The following VNN2 variants were observed in gnomAD, a reference collection of about 807,000 sequenced individuals.
The protein encoded by VNN2 is pantetheine hydrolase VNN2.
A neutral mutation model predicts 43.0 loss-of-function variants in VNN2; 43 were observed. That is an observed-to-expected ratio of 1.00 (90% CI 0.78 to 1.29). The LOEUF (loss-of-function observed/expected upper bound fraction) is 1.29. VNN2 is among the 50% of genes most tolerant of loss of function. The probability of loss-of-function intolerance (pLI) is 0.00; values close to 1 mark genes in which losing one functional copy is unlikely to be tolerated. For synonymous variants in VNN2, 230 were observed against 224.3 expected (o/e 1.03, Z -0.23); for missense variants, 652 against 619.7 (o/e 1.05, Z -0.55).
upstream of VNN2, among the ~76,000 whole-genome samples, chr6:132,759,438 C>CAAAAAAAAAAAAAAAAAAAAAAAAA (rs58195059): frequency 1.4e-5 from 1 of 69,174 alleles, no homozygotes; most frequent in African/African-American, 4.9e-5. Flanking sequence ...AACTCCGTCT[C>CAAAAAAAAAAAAAAAAAAAAAAAAA]AAAAAAAAAA....
chr6:132,749,139 C>A (rs1397015279), intron 6 of VNN2, among the ~76,000 whole-genome samples: 1 of 152,170 alleles, frequency 6.6e-6, no homozygotes, highest in Non-Finnish European at 1.5e-5. Flanking sequence ...ATTTTCCCCT[C>A]CTTGACCCAT....
intron 6 of VNN2, among the ~76,000 whole-genome samples, chr6:132,748,065 G>C (rs1460293340): frequency 6.6e-6 from 1 of 152,216 alleles, no homozygotes; most frequent in Non-Finnish European, 1.5e-5. Context: ...AAATTAGATT[G>C]TGTGCTCAGT....
At chr6:132,747,238 C>T (rs1779772875) in intron 6 of VNN2, among the ~76,000 whole-genome samples, 2 of 152,230 alleles carry the variant, frequency 1.3e-5, no homozygotes, top group South Asian at 2.1e-4. Context: ...CCATATTTAC[C>T]CTAATGTGAT....
At chr6:132,744,699 C>T (rs954966355) in intron 6 of VNN2, among the ~76,000 whole-genome samples, 3 of 152,106 alleles carry the variant, frequency 2.0e-5, no homozygotes, top group Non-Finnish European at 4.4e-5. Flanking sequence ...TTAGTTTCAA[C>T]AATCAAATGT....
In VNN2 at chr6:132,757,779, G is replaced by C. The variant is rs759904862; in HGVS notation, c.105C>G (p.Val35=). The C allele has an allele frequency of 1.2e-6, 2 of 1,613,948 alleles. No homozygotes were observed. The highest frequency in any genetic ancestry group is 1.7e-6 in the Non-Finnish European group (2 of 1,180,032). The change falls in exon 1 of 7, where the codon GTC becomes GTG. Residue 35 remains valine (V), a synonymous_variant. Coordinates refer to ENST00000326499, the MANE Select transcript of VNN2 (RefSeq NM_004665.6). ...SFIAAVYEHA[V]ILPNKTETPV... is the part of the protein sequence containing the mutation. ...GTGTTTCTGTTTTATTTGGCAAAAT[G>C]ACAGCATGTTCATACACTGCAGCTA...
chr6:132,763,207 TATC>T (rs1317470567), intron 1 of VNN2, among the ~76,000 whole-genome samples: 2 of 150,006 alleles, frequency 1.3e-5, no homozygotes, highest in Admixed American at 6.7e-5. Context: ...GGTAAGAAAA[TATC>T]ATGGAAATCG....
intron 1 of VNN2, 50 bp from the exon 2 acceptor site, chr6:132,757,596 C>T (rs770364129): frequency 6.2e-7 from 1 of 1,607,710 alleles, no homozygotes; most frequent in African/African-American, 1.3e-5. Context: ...ACAACACAGA[C>T]AATTCAGCTC....
intron 5 of VNN2, among the ~76,000 whole-genome samples, chr6:132,750,838 T>A (rs1780027078): frequency 6.6e-6 from 1 of 152,178 alleles, no homozygotes; most frequent in Non-Finnish European, 1.5e-5. Context: ...AAGGAAGTCT[T>A]CTTGATGTTC....
At chr6:132,750,890 T>C (rs1780030874) in intron 5 of VNN2, among the ~76,000 whole-genome samples, 1 of 152,170 alleles carries the variant, frequency 6.6e-6, no homozygotes, top group African/African-American at 2.4e-5. Context: ...AAACTCATCA[T>C]GGTTAGGTTA....
At chr6:132,744,562 A>AAACC in intron 6 of VNN2, 71 bp from the exon 7 acceptor site, 1 of 1,424,456 alleles carries the variant, frequency 7.0e-7, no homozygotes, top group East Asian at 2.4e-5. Flanking sequence ...AATCATTTTG[A>AAACC]AACCATCCTA....
intron 5 of VNN2, 100 bp from the exon 6 acceptor site, chr6:132,749,965 T>G (rs925145440): frequency 7.8e-6 from 9 of 1,150,792 alleles, no homozygotes; most frequent in Admixed American, 5.6e-5. Flanking sequence ...GCAAACATTA[T>G]CTTTCTCTGA....
upstream of VNN2, among the ~76,000 whole-genome samples, chr6:132,761,481 G>A (rs2114645046): frequency 6.6e-6 from 1 of 152,086 alleles, no homozygotes; most frequent in South Asian, 2.1e-4. Context: ...CCGACATAGT[G>A]AAAGCCAGTC....
Position 132,757,843 on chromosome 6 carries a change from G to T in VNN2, c.41C>A (p.Ala14Asp). Reference sequence around the variant, plus strand: ...AGTACCAACCTGCAGGGTTATTAGGGCAAAAACTGCCACAGAGATTGGAAA... The same window carrying T: ...AGTACCAACCTGCAGGGTTATTAGGTCAAAAACTGCCACAGAGATTGGAAA... ...SSFPISVAVF[A>D]LITLQVGTQD... The change falls in exon 1 of 7, where the codon GCC becomes GAC. Residue 14 changes from alanine (A) to aspartate (D), a missense_variant. Ala to Asp is a moderately radical substitution (Grantham distance 126, BLOSUM62 -2). Coordinates refer to ENST00000326499, the MANE Select transcript of VNN2 (RefSeq NM_004665.6). The T allele has an allele frequency of 8.7e-6, 14 of 1,613,868 alleles. No individual in the cohort carries two copies. Among genetic ancestry groups the T allele is most frequent in the Non-Finnish European group, 1.2e-5 (14 of 1,179,940 alleles).
Position 132,756,025 on chromosome 6 carries a change from T to C in VNN2, c.355A>G (p.Thr119Ala). Residue 119 changes from threonine (T) to alanine (A), a missense_variant, in exon 3 of 7, where the codon ACA (threonine) becomes GCA (alanine). Thr to Ala is a moderately conservative substitution (Grantham distance 58). Coordinates refer to ENST00000326499, the MANE Select transcript of VNN2 (RefSeq NM_004665.6). ...PCQDPHRFGH[T>A]PVQARLSCLA... ...CAGCTGAGTCTTGCTTGTACTGGTG[T>C]GTGACCAAATCTAAACCAAATTATA... 1 of 1,599,654 alleles carries C rather than the reference T, an allele frequency of 6.3e-7. No individual in the cohort carries two copies. Among genetic ancestry groups the C allele is most frequent in the Non-Finnish European group, 8.5e-7 (1 of 1,174,744 alleles).
At chr6:132,752,818 C>G (rs1003158422) in intron 3 of VNN2, 69 bp from the exon 4 acceptor site, 13 of 1,520,232 alleles carry the variant, frequency 8.6e-6, no homozygotes, top group African/African-American at 5.5e-5. Flanking sequence ...TAAAAACCCT[C>G]TAAGTTGGTA....
At chr6:132,756,918 G>A (rs903125764) in intron 2 of VNN2, among the ~76,000 whole-genome samples, 3 of 152,164 alleles carry the variant, frequency 2.0e-5, no homozygotes, top group African/African-American at 7.2e-5. Flanking sequence ...TATATTAGAA[G>A]GTTTCTAGAT....
At chr6:132,761,962 A>G (rs1780749101), upstream of VNN2, among the ~76,000 whole-genome samples, 1 of 152,240 alleles carries the variant, frequency 6.6e-6, no homozygotes, top group South Asian at 2.1e-4. Context: ...ATAATTAACA[A>G]AAGTGAGTGA....
At chr6:132,758,833 A>G (rs1780650810), upstream of VNN2, among the ~76,000 whole-genome samples, 1 of 152,184 alleles carries the variant, frequency 6.6e-6, no homozygotes, top group Admixed American at 6.5e-5. Context: ...GTTAGTGCCT[A>G]CAGCAACAAT....
chr6:132,751,507 A>C lies in VNN2; in HGVS notation c.838T>G (p.Tyr280Asp). Residue 280 changes from tyrosine (Y) to aspartate (D), a missense_variant, in exon 5 of 7, where the codon TAT becomes GAT. Transcript: ENST00000326499. Reference protein sequence around the residue: ...VSLNMTGSGIYAPNGPKVYHY... With the variant: ...VSLNMTGSGIDAPNGPKVYHY... ...TACACTTTGGGACCATTTGGTGCAT[A>C]AATACCACTTCCTGTGAATGAAAGA... 1 of 1,606,616 alleles carries C rather than the reference A, an allele frequency of 6.2e-7. No homozygotes were observed. The highest frequency in any genetic ancestry group is 1.1e-5 in the South Asian group (1 of 90,108).
Sources: allele counts gnomAD v4.1 joint callset (sites outside exome capture counted in the v4.1 genomes callset), GRCh38; gene constraint gnomAD v4.1.1; transcripts MANE v1.5; gene names NCBI Gene and HGNC (gene_info 2026-07-23, HGNC 2026-07-21).